Variants in SEMA3E observed in about 807,000 individuals in gnomAD.
SEMA3E encodes the protein semaphorin-3E.
SEMA3E carries 49 observed loss-of-function variants against 93.6 expected under a neutral mutation model. The ratio of observed to expected loss-of-function variants is 0.52; its 90% CI spans 0.42 to 0.66. The LOEUF (loss-of-function observed/expected upper bound fraction) is 0.66. Among genes scored for constraint, SEMA3E ranks in the 30% least tolerant of loss-of-function variants. SEMA3E has a pLI of 0.00. For missense variants in SEMA3E, 906 were observed against 964.8 expected, an observed-to-expected ratio of 0.94 and a Z score of 0.81; for synonymous variants, 363 against 330.7, an observed-to-expected ratio of 1.10 and a Z score of -1.06.
intron 2 of SEMA3E, among the ~76,000 whole-genome samples, chr7:83,469,971 A>G (rs1162498900): frequency 6.6e-6 from 1 of 151,894 alleles, no homozygotes; most frequent in African/African-American, 2.4e-5. Flanking sequence ...TATTTTTAGT[A>G]GAGACAGGGT....
intron 15 of SEMA3E, among the ~76,000 whole-genome samples, 200 bp downstream of exon 15, chr7:83,386,783 A>G (rs1232548512): frequency 6.6e-6 from 1 of 152,238 alleles, no homozygotes; most frequent in Non-Finnish European, 1.5e-5. Context: ...GTGGTAGCAC[A>G]TAAAACTTAT....
chr7:83,575,926 T>C (rs1193145028), intron 1 of SEMA3E, among the ~76,000 whole-genome samples: 1 of 152,154 alleles, frequency 6.6e-6, no homozygotes, highest in Non-Finnish European at 1.5e-5. Context: ...GGTTTGTTAA[T>C]GTAGCACTCA....
intron 14 of SEMA3E, among the ~76,000 whole-genome samples, chr7:83,392,057 G>A (rs1004555944): frequency 6.6e-6 from 1 of 152,166 alleles, no homozygotes; most frequent in African/African-American, 2.4e-5. Context: ...GTAGGAAATG[G>A]CAATGACCTC....
At chr7:83,490,389 T>C (rs1245613427) in intron 1 of SEMA3E, 115 bp from the exon 2 acceptor site, 4 of 1,012,114 alleles carry the variant, frequency 4.0e-6, no homozygotes, top group Non-Finnish European at 6.0e-6. Flanking sequence ...TAACATTCAT[T>C]TTATCATACA....
chr7:83,385,152 T>A, intron 16 of SEMA3E, 142 bp downstream of exon 16: 2 of 707,988 alleles, frequency 2.8e-6, no homozygotes. Context: ...AAATCACACA[T>A]AACAAATAAA....
At chr7:83,402,304 C>T (rs1180653466) in intron 10 of SEMA3E, among the ~76,000 whole-genome samples, 2 of 151,852 alleles carry the variant, frequency 1.3e-5, no homozygotes, top group African/African-American at 2.4e-5. Flanking sequence ...GAGAGGAATA[C>T]GATGTTCATG....
chr7:83,419,401 A>G (rs1299928516), intron 4 of SEMA3E, among the ~76,000 whole-genome samples: 1 of 152,016 alleles, frequency 6.6e-6, no homozygotes, highest in African/African-American at 2.4e-5. Context: ...TCAAACACAC[A>G]TTGTCTTTTT....
At chr7:83,460,726 GTATCTCTGTGCCCCGGCCCCT>G (rs896761626) in intron 4 of SEMA3E, among the ~76,000 whole-genome samples, 1 of 150,180 alleles carries the variant, frequency 6.7e-6, no homozygotes, top group African/African-American at 2.5e-5. Context: ...CCGACCTCTT[GTATCTCTGTGCCCCGGCCCCT>G]TATCTCCGTG....
At chr7:83,490,916 A>C (rs1790370141) in intron 1 of SEMA3E, among the ~76,000 whole-genome samples, 1 of 152,032 alleles carries the variant, frequency 6.6e-6, no homozygotes, top group Non-Finnish European at 1.5e-5. Flanking sequence ...CAAACCTCTC[A>C]TGTGTGTGCA....
At chr7:83,587,068 T>G (rs1296119005) in intron 1 of SEMA3E, among the ~76,000 whole-genome samples, 1 of 152,160 alleles carries the variant, frequency 6.6e-6, no homozygotes, top group Admixed American at 6.5e-5. Context: ...AGTTTGTCTT[T>G]TATTCCTTTC....
At chr7:83,603,537 T>G (rs1793041860) in intron 1 of SEMA3E, among the ~76,000 whole-genome samples, 1 of 152,082 alleles carries the variant, frequency 6.6e-6, no homozygotes, top group Non-Finnish European at 1.5e-5. Flanking sequence ...GACATATCTT[T>G]TCAGAAAAAA....
In SEMA3E at chr7:83,367,400, T is replaced by C. The variant is rs2116891255; in HGVS notation, c.*186A>G. 1.6e-6 allele frequency: 1 copy of C among 619,624 alleles called. No individual in the cohort carries two copies. The highest frequency in any genetic ancestry group is 2.8e-6 in the Non-Finnish European group (1 of 358,802). 38.4% of individuals were successfully genotyped at this position (619,624 alleles called of 1,614,324 possible). A position where few individuals can be genotyped will look rare whatever the true frequency, so the allele number is the denominator to read the frequency against. On this transcript the variant is annotated 3_prime_UTR_variant, in exon 17 of 17. Coordinates refer to ENST00000643230, the MANE Select transcript of SEMA3E (RefSeq NM_012431.3). Reference sequence around the variant, plus strand: ...GCAATGCATTTATTTAAAAAATTAGTTAATTTTATGTAAAGTTTATCCAGT... The same window carrying C: ...GCAATGCATTTATTTAAAAAATTAGCTAATTTTATGTAAAGTTTATCCAGT...
intron 4 of SEMA3E, chr7:83,462,278 G>C (rs1274760459): frequency 1.3e-5 from 2 of 152,154 alleles, no homozygotes; most frequent in African/African-American, 4.8e-5. Flanking sequence ...TCAAGGGCCT[G>C]TTTCCCTTGC....
In SEMA3E at chr7:83,602,401, C is replaced by T. The variant is rs1175733146; in HGVS notation, c.115+46027G>A. ...TACCTGAAATTTTCACATAAGCATG[C>T]CTATCTCCACGGCCCTCCCCTATCC... On this transcript the variant is annotated intron_variant, in intron 1 of 16. Transcript: ENST00000643230. Among the ~76,000 whole-genome samples the T allele has an allele frequency of 2.6e-5, 4 of 152,134 alleles. No individual in the cohort carries two copies. In the East Asian group the frequency reaches 5.8e-4, roughly 22 times the overall value.
intron 14 of SEMA3E, among the ~76,000 whole-genome samples, chr7:83,388,757 C>T (rs566802283): frequency 1.3e-5 from 2 of 151,038 alleles, no homozygotes; most frequent in Admixed American, 1.3e-4. Context: ...CTCTTTGTGT[C>T]CTCCCTTGTA....
At chr7:83,438,032 G>A (rs1017672396) in intron 4 of SEMA3E, among the ~76,000 whole-genome samples, 1 of 152,098 alleles carries the variant, frequency 6.6e-6, no homozygotes, top group Non-Finnish European at 1.5e-5. Flanking sequence ...ATCAGAAAAT[G>A]TCATATTATA....
At chr7:83,584,731 T>G (rs1792585726) in intron 1 of SEMA3E, among the ~76,000 whole-genome samples, 3 of 152,118 alleles carry the variant, frequency 2.0e-5, no homozygotes, top group Admixed American at 6.6e-5. Context: ...AAAAATAGTG[T>G]AAGTGTAATC....
intron 1 of SEMA3E, among the ~76,000 whole-genome samples, chr7:83,505,388 A>G (rs1790680221): frequency 1.3e-5 from 2 of 152,168 alleles, no homozygotes; most frequent in Admixed American, 1.3e-4. Flanking sequence ...AACAAATAAA[A>G]GGAGATCATA....
intron 1 of SEMA3E, among the ~76,000 whole-genome samples, chr7:83,632,370 C>T (rs1206274025): frequency 2.0e-5 from 3 of 152,262 alleles, no homozygotes; most frequent in East Asian, 3.9e-4. Flanking sequence ...TGTTGTGCCC[C>T]ACCCAAATCT....
Sources: gnomAD v4.1 joint callset for allele counts (sites outside exome capture counted in the v4.1 genomes callset) on GRCh38, gnomAD v4.1.1 for gene constraint, MANE v1.5 for transcripts, NCBI Gene and HGNC (gene_info 2026-07-23, HGNC 2026-07-21) for gene names.